Variants in ANKRD16 observed in about 807,000 individuals in gnomAD.
The protein encoded by ANKRD16 is ankyrin repeat domain-containing protein 16.
ANKRD16 carries 35 observed loss-of-function variants against 37.9 expected under a neutral mutation model. The ratio of observed to expected loss-of-function variants is 0.92; its 90% CI spans 0.71 to 1.23. The LOEUF is 1.23. ANKRD16 is among the 50% of genes most tolerant of loss of function. The probability of loss-of-function intolerance (pLI) is 0.00; values close to 1 mark genes in which losing one functional copy is unlikely to be tolerated. For synonymous variants in ANKRD16, 206 were observed against 197.2 expected (o/e 1.04, Z -0.37); for missense variants, 480 against 469.9 (o/e 1.02, Z -0.20).
intron 1 of ANKRD16, 74 bp downstream of exon 1, chr10:5,888,967 C>G (rs1239383053): frequency 1.4e-6 from 2 of 1,404,340 alleles, no homozygotes; most frequent in Non-Finnish European, 9.3e-7. Context: ...TCCAAGGGGA[C>G]GGAGAAGCAC....
At chr10:5,879,494 C>T (rs1333279881) in intron 6 of ANKRD16, among the ~76,000 whole-genome samples, 2 of 151,740 alleles carry the variant, frequency 1.3e-5, no homozygotes, top group Non-Finnish European at 2.9e-5. Flanking sequence ...TTCCACTAAA[C>T]CCTTGCAAGA....
chr10:5,873,827 T>G (rs561792382), intron 7 of ANKRD16, among the ~76,000 whole-genome samples: 2 of 152,260 alleles, frequency 1.3e-5, no homozygotes, highest in East Asian at 3.9e-4. Context: ...TTTTTGGTAA[T>G]ATATGTTAGG....
chr10:5,882,196 T>C (rs890802104), intron 5 of ANKRD16, among the ~76,000 whole-genome samples: 1 of 152,182 alleles, frequency 6.6e-6, no homozygotes, highest in Non-Finnish European at 1.5e-5. Context: ...ACATCATGTG[T>C]ATCTACCCAG....
rs1480474497 is a variant in ANKRD16 at position 5,889,279 on chromosome 10, G to GCTC, written c.73_75dup (p.Glu25dup). On this transcript the variant is annotated inframe_insertion, in exon 1 of 8. Coordinates refer to ENST00000380094, the MANE Select transcript of ANKRD16 (RefSeq NM_019046.3). ...CCCGGGCAGCCCCCGGCCGCCTGCA[G>GCTC]CTCCTCCTTCAGGGCGCGCAGCCGG... The GCTC allele has an allele frequency of 1.4e-6, 2 of 1,442,454 alleles. No individual in the cohort carries two copies. The highest frequency in any genetic ancestry group is 1.5e-5 in the African/African-American group (1 of 67,458). The allele number at this position is 1,442,454 out of a possible 1,614,324, so 89.4% of individuals were successfully genotyped here. A position where few individuals can be genotyped will look rare whatever the true frequency, so the allele number is the denominator to read the frequency against.
At chr10:5,882,588 G>A (rs912360390) in intron 5 of ANKRD16, 3 of 153,966 alleles carry the variant, frequency 1.9e-5, no homozygotes, top group Non-Finnish European at 4.3e-5. Flanking sequence ...CTTTTCCAGT[G>A]AAAATGTTTG....
rs750173362 is a variant in ANKRD16 at position 5,885,723 on chromosome 10, C to G, written c.578G>C (p.Arg193Thr). Reference protein sequence around the residue: ...HLEAVKVLLKRCQYEPDYRDN... With the variant: ...HLEAVKVLLKTCQYEPDYRDN... ...CCCTGACTTGCTGTATTGTTCTTAC[C>G]TCTTAAGAAGCACCTTGACTGCCTC... The change falls in exon 3 of 8, where the codon AGG (arginine) becomes ACG (threonine). Residue 193 changes from arginine (R) to threonine (T), a missense_variant and splice_region_variant. Arg to Thr is a moderately conservative substitution (Grantham distance 71). Coordinates refer to ENST00000380094, the MANE Select transcript of ANKRD16 (RefSeq NM_019046.3). 3.1e-6 allele frequency: 5 copies of G among 1,612,380 alleles called. No homozygotes were observed. In the South Asian group the frequency reaches 5.5e-5, roughly 18 times the overall value.
chr10:5,875,148 TAG>T (rs1193729734), intron 7 of ANKRD16, among the ~76,000 whole-genome samples: 2 of 152,046 alleles, frequency 1.3e-5, no homozygotes, highest in East Asian at 3.9e-4. Context: ...GGGTATCAAG[TAG>T]AGACTCTTCA....
rs942053149 is a variant in ANKRD16 at position 5,871,032 on chromosome 10, G to C, written c.*33+7065C>G. On this transcript the variant is annotated intron_variant, in intron 7 of 7. Transcript: ENST00000380094. The surrounding 1 kb of genome is among the most constrained non-coding windows in gnomAD (Gnocchi z 4.5). ...AATCACACAGGCCAATCAAGTCCCT[G>C]TCGTCACCACGATTGGCAGAGGCCA... Among the ~76,000 whole-genome samples the C allele has an allele frequency of 2.0e-5, 3 of 152,174 alleles. No homozygotes were observed. The highest frequency in any genetic ancestry group is 4.4e-5 in the Non-Finnish European group (3 of 68,016).
intron 2 of ANKRD16, among the ~76,000 whole-genome samples, chr10:5,886,127 G>A (rs1015937201): frequency 1.3e-5 from 2 of 152,166 alleles, no homozygotes; most frequent in African/African-American, 4.8e-5. Context: ...AAATAGCCTG[G>A]ATTTAATTCC....
Position 5,878,747 on chromosome 10 carries a change from C to A in ANKRD16, c.929-460G>T, listed in dbSNP as rs1348875090. Among the ~76,000 whole-genome samples, 2 of 148,678 alleles carry A rather than the reference C, an allele frequency of 1.3e-5. No homozygotes were observed. Among genetic ancestry groups the A allele is most frequent in the African/African-American group, 5.0e-5 (2 of 40,228 alleles). Reference sequence around the variant, plus strand: ...CAGGAGGTGGCGGTTGCAGTGAGCACTGCACGCCAGCCTGGGTGACAGAGC... The same window carrying A: ...CAGGAGGTGGCGGTTGCAGTGAGCAATGCACGCCAGCCTGGGTGACAGAGC... On this transcript the variant is annotated intron_variant, in intron 6 of 7. Coordinates refer to ENST00000380094, the MANE Select transcript of ANKRD16 (RefSeq NM_019046.3). This position sits in a 1 kb window ranked among gnomAD's most constrained non-coding sequence, Gnocchi z 5.1.
chr10:5,880,833 G>C (rs1408559309), intron 5 of ANKRD16, among the ~76,000 whole-genome samples: 1 of 152,198 alleles, frequency 6.6e-6, no homozygotes, highest in Non-Finnish European at 1.5e-5. Context: ...TCTTTTGGCA[G>C]AGTGAGTTGG....
chr10:5,884,167 C>T (rs990777355), intron 3 of ANKRD16, 90 bp from the exon 4 acceptor site: 8 of 956,070 alleles, frequency 8.4e-6, no homozygotes, highest in African/African-American at 4.8e-5. Context: ...AGGTGAACTG[C>T]GTGTGTGCAA....
At chr10:5,876,822 A>G (rs1842193990) in intron 7 of ANKRD16, among the ~76,000 whole-genome samples, 1 of 152,218 alleles carries the variant, frequency 6.6e-6, no homozygotes, top group African/African-American at 2.4e-5. Flanking sequence ...AAAAAGCCTG[A>G]TCTAGACTAA....
At chr10:5,884,537 C>T (rs1338253102) in intron 3 of ANKRD16, among the ~76,000 whole-genome samples, 1 of 152,072 alleles carries the variant, frequency 6.6e-6, no homozygotes, top group Non-Finnish European at 1.5e-5. Context: ...TCAAGACCAG[C>T]CTGGCCAATG....
At chr10:5,872,645 C>T (rs1329863251) in intron 7 of ANKRD16, among the ~76,000 whole-genome samples, 3 of 151,670 alleles carry the variant, frequency 2.0e-5, no homozygotes, top group Non-Finnish European at 4.4e-5. Flanking sequence ...CAAGCTCCAC[C>T]TCCTGGATTC....
intron 1 of ANKRD16, among the ~76,000 whole-genome samples, chr10:5,888,426 T>C (rs145250833): frequency 1.3e-5 from 2 of 152,210 alleles, no homozygotes; most frequent in Non-Finnish European, 2.9e-5. Flanking sequence ...GTGGGGAAGA[T>C]GTACTTCCCT....
chr10:5,872,389 G>A (rs886385765), intron 7 of ANKRD16, among the ~76,000 whole-genome samples: 1 of 151,990 alleles, frequency 6.6e-6, no homozygotes, highest in Admixed American at 6.6e-5. Context: ...TGAGGTATGA[G>A]AATTGCTTGA....
chr10:5,862,302 CTG>C lies in ANKRD16; in HGVS notation c.*421_*422del. 2.5e-6 allele frequency: 1 copy of C among 396,798 alleles called. No individual in the cohort carries two copies. Among genetic ancestry groups the C allele is most frequent in the South Asian group, 1.9e-5 (1 of 53,074 alleles). The allele number at this position is 396,798 out of a possible 1,614,324, so 24.6% of individuals were successfully genotyped here. ...AATCTCATCAGAAGTGGTGCTACCA[CTG>C]TGTTTCATGTTTTTGTGTTTCTTTC... On this transcript the variant is annotated 3_prime_UTR_variant, in exon 8 of 8. Transcript: ENST00000380094. This position sits in a 1 kb window ranked among gnomAD's most constrained non-coding sequence, Gnocchi z 6.5.
Position 5,888,018 on chromosome 10 carries a change from C to G in ANKRD16, c.364G>C (p.Glu122Gln). 1.2e-6 allele frequency: 2 copies of G among 1,614,194 alleles called. No individual in the cohort carries two copies. Among genetic ancestry groups the G allele is most frequent in the South Asian group, 1.1e-5 (1 of 91,076 alleles). ...GGATTGGCGCCATGTTCCACCAGCTCCTGGATCACCCCCAGGTTCTTCCTT... is the reference window on the plus strand; with the variant it reads ...GGATTGGCGCCATGTTCCACCAGCTGCTGGATCACCCCCAGGTTCTTCCTT... ...CTRKNLGVIQ[E>Q]LVEHGANPLL... The change falls in exon 2 of 8, where the codon GAG becomes CAG. Residue 122 changes from glutamate (E) to glutamine (Q), a missense_variant. Transcript: ENST00000380094.
Sources: allele counts gnomAD v4.1 joint callset (sites outside exome capture counted in the v4.1 genomes callset), GRCh38; gene constraint gnomAD v4.1.1; non-coding constraint Gnocchi (gnomAD v3.1); transcripts MANE v1.5; gene names NCBI Gene and HGNC (gene_info 2026-07-23, HGNC 2026-07-21).